Variants in LOC400499 observed in about 807,000 individuals in gnomAD.
the LOC400499 span, chr16:11,391,739 T>A: frequency 8.1e-7 from 1 of 1,232,174 alleles, no homozygotes; most frequent in Non-Finnish European, 1.0e-6. Context: ...GCTGGGTCAG[T>A]GCCTGGCTCC....
the LOC400499 span, chr16:11,449,213 C>T: frequency 2.9e-6 from 3 of 1,029,658 alleles, no homozygotes; most frequent in Non-Finnish European, 2.6e-6. Context: ...CTTCATCCCT[C>T]AAAACCCCTT....
chr16:11,523,536 C>T, the LOC400499 span: 1 of 398,294 alleles, frequency 2.5e-6, no homozygotes. Flanking sequence ...TAGCCCCACG[C>T]TATGGGCCAC....
chr16:11,458,524 A>C, the LOC400499 span, among the ~76,000 whole-genome samples: 2 of 151,808 alleles, frequency 1.3e-5, no homozygotes, highest in Admixed American at 6.6e-5. Flanking sequence ...AAAAAAAGAC[A>C]AACGGTATGA....
the LOC400499 span, chr16:11,399,185 G>A: frequency 8.1e-6 from 8 of 983,524 alleles, no homozygotes; most frequent in African/African-American, 7.0e-5. Flanking sequence ...ATCTCCCTCC[G>A]CCCCCTCCCG....
At chr16:11,434,803 C>T in the LOC400499 span, among the ~76,000 whole-genome samples, 21 of 152,102 alleles carry the variant, frequency 1.4e-4, no homozygotes, top group African/African-American at 4.1e-4. Flanking sequence ...CAGAGGCAGC[C>T]GTGGCCGAGT....
At chr16:11,428,046 A>G in the LOC400499 span, among the ~76,000 whole-genome samples, 1 of 152,176 alleles carries the variant, frequency 6.6e-6, no homozygotes, top group African/African-American at 2.4e-5. Flanking sequence ...CAAGTTTATT[A>G]AGAAAGGAAA....
the LOC400499 span, among the ~76,000 whole-genome samples, chr16:11,470,372 T>C: frequency 6.6e-6 from 1 of 152,192 alleles, no homozygotes; most frequent in African/African-American, 2.4e-5. Flanking sequence ...GAGTACCTCG[T>C]GCTCTGGGGC....
At chr16:11,460,830 C>T in the LOC400499 span, 1 of 1,292,264 alleles carries the variant, frequency 7.7e-7, no homozygotes, top group Non-Finnish European at 1.0e-6. Context: ...TTCAGTCCTA[C>T]TCAGAGCCAA....
At chr16:11,437,964 G>A in the LOC400499 span, among the ~76,000 whole-genome samples, 3 of 152,192 alleles carry the variant, frequency 2.0e-5, no homozygotes, top group Non-Finnish European at 2.9e-5. Context: ...GAGTTCGGGG[G>A]ATCGATCGCA....
chr16:11,513,632 T>C, the LOC400499 span, among the ~76,000 whole-genome samples: 1 of 151,896 alleles, frequency 6.6e-6, no homozygotes, highest in Non-Finnish European at 1.5e-5. Flanking sequence ...GGTTTCTCCA[T>C]GTTGGCCAGG....
the LOC400499 span, among the ~76,000 whole-genome samples, chr16:11,379,256 A>T: frequency 6.6e-6 from 1 of 152,176 alleles, no homozygotes; most frequent in Non-Finnish European, 1.5e-5. Context: ...TCAAAAAAAT[A>T]AAAAAAGTGA....
At chr16:11,402,371 G>A in the LOC400499 span, 1 of 385,090 alleles carries the variant, frequency 2.6e-6, no homozygotes, top group East Asian at 3.7e-5. Flanking sequence ...CTGTCCCTGT[G>A]GGAGCCCCGT....
chr16:11,444,870 C>G, the LOC400499 span, among the ~76,000 whole-genome samples: 6 of 151,994 alleles, frequency 3.9e-5, no homozygotes, highest in African/African-American at 4.8e-5. Context: ...GGCTTAGAGT[C>G]CAGGAGCTCA....
the LOC400499 span, among the ~76,000 whole-genome samples, chr16:11,451,269 T>C: frequency 1.3e-5 from 2 of 152,200 alleles, no homozygotes; most frequent in Non-Finnish European, 2.9e-5. Context: ...CTCTTCTGAA[T>C]GCAATTTTTT....
the LOC400499 span, among the ~76,000 whole-genome samples, chr16:11,404,123 C>CT: frequency 6.6e-6 from 1 of 152,192 alleles, no homozygotes; most frequent in African/African-American, 2.4e-5. Flanking sequence ...AAGTCACCTC[C>CT]TCCAAGAGGC....
chr16:11,385,295 C>G, the LOC400499 span: 1 of 1,232,304 alleles, frequency 8.1e-7, no homozygotes, highest in Non-Finnish European at 1.0e-6. Context: ...GACTCAGCGT[C>G]AGCGAGAATG....
At chr16:11,438,226 AC>A in the LOC400499 span, among the ~76,000 whole-genome samples, 1 of 152,184 alleles carries the variant, frequency 6.6e-6, no homozygotes, top group Non-Finnish European at 1.5e-5. Context: ...TAATATGATG[AC>A]ATTTCCTCCA....
chr16:11,388,594 C>G, the LOC400499 span, among the ~76,000 whole-genome samples: 1 of 152,144 alleles, frequency 6.6e-6, no homozygotes, highest in African/African-American at 2.4e-5. Flanking sequence ...CTAAACTGGG[C>G]TCCCCCCTTC....
chr16:11,406,473 C>T, the LOC400499 span, among the ~76,000 whole-genome samples: 2 of 152,216 alleles, frequency 1.3e-5, no homozygotes, highest in East Asian at 1.9e-4. Context: ...ACTCTTGTCA[C>T]CCAGGCCGCA....
Sources: allele counts gnomAD v4.1 joint callset (sites outside exome capture counted in the v4.1 genomes callset), GRCh38; gene constraint gnomAD v4.1.1; transcripts MANE v1.5.